APP: variants seen among roughly 807,000 people sequenced by gnomAD.
APP encodes the protein amyloid beta precursor protein.
A neutral mutation model predicts 101.4 loss-of-function variants in APP; 31 were observed. That is an observed-to-expected ratio of 0.31 (90% CI 0.23 to 0.41). The LOEUF (loss-of-function observed/expected upper bound fraction) is 0.41, where lower values mean the gene tolerates loss of function less well. APP is among the 10% of genes least tolerant of loss of function. APP has a pLI of 1.00. For synonymous variants in APP, 366 were observed against 364.4 expected (o/e 1.00, Z -0.05); for missense variants, 839 against 1,003.7 (o/e 0.84, Z 2.22).
chr21:26,123,002 G>A (rs1450266201), intron 1 of APP, among the ~76,000 whole-genome samples: 1 of 152,078 alleles, frequency 6.6e-6, no homozygotes, highest in Non-Finnish European at 1.5e-5. Flanking sequence ...GAACAAGTGA[G>A]ATTATAAATA....
intron 2 of APP, among the ~76,000 whole-genome samples, chr21:26,109,070 C>T (rs1161823040): frequency 6.6e-6 from 1 of 152,110 alleles, no homozygotes; most frequent in Non-Finnish European, 1.5e-5. Flanking sequence ...AACAAGACTT[C>T]CGTGGGTGGG....
At chr21:25,915,410 C>T (rs2146333028) in intron 13 of APP, among the ~76,000 whole-genome samples, 3 of 152,348 alleles carry the variant, frequency 2.0e-5, no homozygotes, top group Middle Eastern at 6.8e-3. Flanking sequence ...TCTTCAAGAC[C>T]CAATGGCCAG....
At chr21:26,044,276 C>A (rs772518757) in intron 5 of APP, among the ~76,000 whole-genome samples, 3 of 152,164 alleles carry the variant, frequency 2.0e-5, no homozygotes, top group Non-Finnish European at 2.9e-5. Flanking sequence ...GCGCTCAAGT[C>A]TGGGCAACAG....
In APP at chr21:25,881,441, A is replaced by G. The variant is rs2036976728; in HGVS notation, c.*229T>C. On this transcript the variant is annotated 3_prime_UTR_variant, in exon 18 of 18. Coordinates refer to ENST00000346798, the MANE Select transcript of APP (RefSeq NM_000484.4). ...TCTTTACAGTACACAAAACCCATTA[A>G]TAATGTAGTATAGAGACCAAAATGT... The G allele has an allele frequency of 3.4e-6, 2 of 590,568 alleles. No individual in the cohort carries two copies. Among genetic ancestry groups the G allele is most frequent in the South Asian group, 3.9e-5 (2 of 51,044 alleles). The allele number at this position is 590,568 out of a possible 1,614,324, so 36.6% of individuals were successfully genotyped here.
At chr21:26,124,071 C>T (rs1288940564) in intron 1 of APP, among the ~76,000 whole-genome samples, 1 of 151,744 alleles carries the variant, frequency 6.6e-6, no homozygotes, top group African/African-American at 2.4e-5. Flanking sequence ...TGGCCTGACT[C>T]TCTCACTCCC....
intron 1 of APP, among the ~76,000 whole-genome samples, chr21:26,167,508 A>T (rs1360628268): frequency 6.6e-6 from 1 of 152,220 alleles, no homozygotes; most frequent in Non-Finnish European, 1.5e-5. Context: ...CGTGAAATGC[A>T]AGTAATAGCT....
chr21:26,145,299 G>C, intron 1 of APP, among the ~76,000 whole-genome samples: 1 of 152,186 alleles, frequency 6.6e-6, no homozygotes, highest in East Asian at 1.9e-4. Flanking sequence ...ATGGGGTGTT[G>C]GGGGTGGGAT....
intron 2 of APP, among the ~76,000 whole-genome samples, chr21:26,103,579 C>T (rs767963419): frequency 2.6e-5 from 4 of 151,680 alleles, no homozygotes; most frequent in Non-Finnish European, 4.4e-5. Context: ...CCAGCCTGGG[C>T]GATGGAGTGA....
intron 16 of APP, among the ~76,000 whole-genome samples, chr21:25,892,373 T>C (rs1319304726): frequency 6.6e-6 from 1 of 152,128 alleles, no homozygotes; most frequent in East Asian, 1.9e-4. Context: ...ACTCTGCAGA[T>C]GTCCTAATTT....
intron 9 of APP, among the ~76,000 whole-genome samples, chr21:25,980,924 T>C (rs1461992994): frequency 6.6e-6 from 1 of 152,150 alleles, no homozygotes; most frequent in Admixed American, 6.5e-5. Context: ...CCTTTTATTG[T>C]GGTTTTCATG....
chr21:25,976,516 G>C (rs2042229920), intron 9 of APP, among the ~76,000 whole-genome samples: 1 of 152,112 alleles, frequency 6.6e-6, no homozygotes, highest in Non-Finnish European at 1.5e-5. Flanking sequence ...GTACATAATG[G>C]GGGAAGAAAA....
At chr21:26,118,020 G>A (rs1369588678) in intron 1 of APP, among the ~76,000 whole-genome samples, 1 of 152,100 alleles carries the variant, frequency 6.6e-6, no homozygotes, top group Non-Finnish European at 1.5e-5. Context: ...GTTGATATTA[G>A]ATTGGTGCAA....
rs555558271 is a variant in APP at position 25,951,990 on chromosome 21, T to C, written c.1687+2600A>G. ...GTAGCTTTGACACTAGCAGCTCAGATAGTGTACAGGGTTCGTTATTGCAAA... is the reference window on the plus strand; with the variant it reads ...GTAGCTTTGACACTAGCAGCTCAGACAGTGTACAGGGTTCGTTATTGCAAA... On this transcript the variant is annotated intron_variant, in intron 13 of 17. Coordinates refer to ENST00000346798, the MANE Select transcript of APP (RefSeq NM_000484.4). 7.7e-4 allele frequency among the ~76,000 whole-genome samples: 118 copies of C among 152,284 alleles called. 2 individuals carry two copies. Among genetic ancestry groups the C allele is most frequent in the Middle Eastern group, 6.8e-3 (2 of 294 alleles).
chr21:26,086,834 A>G (rs1601424717), intron 3 of APP, among the ~76,000 whole-genome samples: 1 of 152,328 alleles, frequency 6.6e-6, no homozygotes, highest in Middle Eastern at 3.4e-3. Flanking sequence ...TTTTAAAACA[A>G]ATTTTTGTGT....
chr21:26,141,730 C>A (rs1467363414), intron 1 of APP, among the ~76,000 whole-genome samples: 1 of 152,148 alleles, frequency 6.6e-6, no homozygotes, highest in Non-Finnish European at 1.5e-5. Context: ...CTCACAACAA[C>A]CCTAAGTTTG....
chr21:26,065,081 C>T (rs1044203890), intron 3 of APP, among the ~76,000 whole-genome samples: 19 of 152,150 alleles, frequency 1.2e-4, no homozygotes, highest in East Asian at 5.8e-4. Context: ...CTTGGACTTC[C>T]GACCTCAAAT....
intron 5 of APP, among the ~76,000 whole-genome samples, chr21:26,026,523 A>C (rs561621705): frequency 1.3e-5 from 2 of 151,912 alleles, no homozygotes; most frequent in Non-Finnish European, 2.9e-5. Flanking sequence ...GTGCCGCCTG[A>C]TAAGTCCCTT....
At chr21:26,150,760 T>C (rs1291492902) in intron 1 of APP, among the ~76,000 whole-genome samples, 1 of 152,256 alleles carries the variant, frequency 6.6e-6, no homozygotes, top group African/African-American at 2.4e-5. Flanking sequence ...GTTCAATTAA[T>C]GCACCAAATA....
At chr21:25,941,667 G>T (rs933432305) in intron 13 of APP, 2 of 152,112 alleles carry the variant, frequency 1.3e-5, no homozygotes, top group Admixed American at 6.6e-5. Flanking sequence ...GTAGAGATGG[G>T]GTTTCACCAT....
Sources: allele counts gnomAD v4.1 joint callset (sites outside exome capture counted in the v4.1 genomes callset), GRCh38; gene constraint gnomAD v4.1.1; transcripts MANE v1.5; gene names NCBI Gene and HGNC (gene_info 2026-07-23, HGNC 2026-07-21).